Variants in MALRD1 observed in about 807,000 individuals in gnomAD.
The protein encoded by MALRD1 is MAM and LDL-receptor class A domain-containing protein 1.
Under a neutral mutation model 242.1 loss-of-function variants are expected in MALRD1, and 247 were observed. The observed-to-expected ratio is 1.02, with a 90% CI of 0.92 to 1.13. The LOEUF (loss-of-function observed/expected upper bound fraction) is 1.13, where lower values mean the gene tolerates loss of function less well. MALRD1 is among the 50% of genes most tolerant of loss of function. The pLI is 0.00. For missense variants in MALRD1, 2,989 were observed against 2,533.1 expected (o/e 1.18, Z -3.86); for synonymous variants, 995 against 866.6 (o/e 1.15, Z -2.60).
At chr10:19,441,196 A>T (rs897854138) in intron 28 of MALRD1, among the ~76,000 whole-genome samples, 9 of 151,490 alleles carry the variant, frequency 5.9e-5, no homozygotes, top group Non-Finnish European at 5.9e-5. Context: ...GGGTTGTTTG[A>T]TTTTTTCTTG....
At chr10:19,622,683 C>T (rs1839459834) in intron 36 of MALRD1, among the ~76,000 whole-genome samples, 1 of 149,892 alleles carries the variant, frequency 6.7e-6, no homozygotes, top group South Asian at 2.1e-4. Context: ...ATCTGAGTAG[C>T]TATGAGAAGC....
intron 2 of MALRD1, among the ~76,000 whole-genome samples, chr10:19,084,676 A>C (rs2131288937): frequency 6.6e-6 from 1 of 152,046 alleles, no homozygotes; most frequent in Non-Finnish European, 1.5e-5. Context: ...TCACTGCCAA[A>C]GTTATTGGAT....
chr10:19,666,947 G>A (rs1000531386), intron 36 of MALRD1, among the ~76,000 whole-genome samples: 3 of 152,180 alleles, frequency 2.0e-5, no homozygotes, highest in Admixed American at 2.0e-4. Flanking sequence ...TCAATGAGGA[G>A]CAAATGCATT....
At chr10:19,078,211 T>A (rs797016478) in intron 2 of MALRD1, among the ~76,000 whole-genome samples, 3 of 152,084 alleles carry the variant, frequency 2.0e-5, no homozygotes, top group African/African-American at 7.2e-5. Flanking sequence ...GCAGGTTTGT[T>A]ACATATGTAT....
intron 31 of MALRD1, among the ~76,000 whole-genome samples, chr10:19,512,249 T>G (rs61841391): frequency 0.1 from 15,155 of 152,134 alleles, 777 homozygotes; most frequent in South Asian, 0.11. Flanking sequence ...GCATAATACA[T>G]TAAAGCTTGG....
At chr10:19,197,474 A>G (rs1404189501) in intron 14 of MALRD1, among the ~76,000 whole-genome samples, 2 of 152,178 alleles carry the variant, frequency 1.3e-5, no homozygotes, top group Non-Finnish European at 2.9e-5. Context: ...ACTGTCTAAT[A>G]TAATATCTTC....
intron 38 of MALRD1, among the ~76,000 whole-genome samples, chr10:19,712,295 A>T (rs532263737): frequency 6.6e-6 from 1 of 152,202 alleles, no homozygotes; most frequent in South Asian, 2.1e-4. Flanking sequence ...GTATCTTTGT[A>T]TGCCTAGAAT....
intron 2 of MALRD1, 55 bp downstream of exon 2, chr10:19,066,914 C>T: frequency 1.7e-6 from 2 of 1,196,402 alleles, no homozygotes; most frequent in Non-Finnish European, 2.1e-6. Flanking sequence ...TTCCTTCCTT[C>T]CCTCCCTTCC....
At chr10:19,410,163 C>A in intron 28 of MALRD1, among the ~76,000 whole-genome samples, 1 of 152,034 alleles carries the variant, frequency 6.6e-6, no homozygotes, top group East Asian at 1.9e-4. Context: ...GTCAGTTTTA[C>A]CCTCATTTAA....
At chr10:19,350,836 A>G (rs1844342105) in intron 25 of MALRD1, among the ~76,000 whole-genome samples, 1 of 152,180 alleles carries the variant, frequency 6.6e-6, no homozygotes, top group Admixed American at 6.5e-5. Context: ...AGTGTGCCAC[A>G]GAGGTGGTCC....
At chr10:19,363,034 C>T (rs1201635367) in intron 26 of MALRD1, among the ~76,000 whole-genome samples, 1 of 152,024 alleles carries the variant, frequency 6.6e-6, no homozygotes, top group Non-Finnish European at 1.5e-5. Flanking sequence ...GGGGAGAGTT[C>T]AGGCATTCAA....
intron 36 of MALRD1, among the ~76,000 whole-genome samples, chr10:19,639,051 C>T (rs900238445): frequency 6.6e-6 from 1 of 151,468 alleles, no homozygotes; most frequent in East Asian, 1.9e-4. Context: ...AAAACCAAAC[C>T]GAAAGTAAAA....
intron 29 of MALRD1, among the ~76,000 whole-genome samples, chr10:19,487,471 A>T (rs1233797336): frequency 6.6e-6 from 1 of 150,540 alleles, no homozygotes; most frequent in African/African-American, 2.4e-5. Flanking sequence ...GCTATTCTAT[A>T]TTTTGAAAGA....
Position 19,310,796 on chromosome 10 carries a change from A to C in MALRD1, c.3420-13153A>C, listed in dbSNP as rs140996780. 2.3e-3 allele frequency among the ~76,000 whole-genome samples: 355 copies of C among 151,514 alleles called. 2 individuals carry two copies. Among genetic ancestry groups the C allele is most frequent in the Middle Eastern group, 6.8e-3 (2 of 294 alleles). ...TCTTTCCAAACTGAGTTCAAGATCA[A>C]CTTTCCTTGATGGCTCTCTCTAGTC... is the stretch of plus-strand genomic sequence containing the variant. On this transcript the variant is annotated intron_variant, in intron 21 of 39. Coordinates refer to ENST00000454679, the MANE Select transcript of MALRD1 (RefSeq NM_001142308.3).
intron 1 of MALRD1, among the ~76,000 whole-genome samples, chr10:19,060,835 T>C (rs553997344): frequency 6.6e-6 from 1 of 152,294 alleles, no homozygotes; most frequent in East Asian, 1.9e-4. Flanking sequence ...AGCAGCCTTA[T>C]ATCATGTGCA....
chr10:19,635,328 A>C (rs1011272318), intron 36 of MALRD1, among the ~76,000 whole-genome samples: 1 of 152,190 alleles, frequency 6.6e-6, no homozygotes, highest in African/African-American at 2.4e-5. Context: ...TAATAAGTCA[A>C]CTGAAAATGT....
chr10:19,545,127 C>A (rs1311861610), intron 32 of MALRD1, among the ~76,000 whole-genome samples: 1 of 152,174 alleles, frequency 6.6e-6, no homozygotes, highest in African/African-American at 2.4e-5. Flanking sequence ...CCACTGTCCT[C>A]ACAAGGTCTT....
intron 35 of MALRD1, 47 bp downstream of exon 35, chr10:19,607,949 T>C: frequency 6.5e-7 from 1 of 1,540,076 alleles, no homozygotes; most frequent in East Asian, 2.5e-5. Context: ...ACCAGCAACT[T>C]AACCTGCAAC....
intron 24 of MALRD1, among the ~76,000 whole-genome samples, chr10:19,344,465 A>G (rs575668011): frequency 1.3e-5 from 2 of 152,002 alleles, no homozygotes; most frequent in Non-Finnish European, 2.9e-5. Context: ...TTGTACTTAC[A>G]TGGAGCTATT....
Sources: gnomAD v4.1 joint callset for allele counts (sites outside exome capture counted in the v4.1 genomes callset) on GRCh38, gnomAD v4.1.1 for gene constraint, MANE v1.5 for transcripts, NCBI Gene and HGNC (gene_info 2026-07-23, HGNC 2026-07-21) for gene names.